Variants in ZNF536 observed in about 807,000 individuals in gnomAD.
The protein encoded by ZNF536 is zinc finger protein 536.
In ZNF536, 13 loss-of-function variants were observed where a neutral mutation model predicts 84.5. That is an observed-to-expected ratio of 0.15 (90% CI 0.10 to 0.24). The LOEUF (loss-of-function observed/expected upper bound fraction) is 0.24. ZNF536 is among the 10% of genes least tolerant of loss of function. ZNF536 has a pLI of 1.00. For missense variants in ZNF536, 1,536 were observed against 1,747.5 expected (o/e 0.88, Z 2.16); for synonymous variants, 811 against 742.5 (o/e 1.09, Z -1.50).
intron 1 of ZNF536, among the ~76,000 whole-genome samples, chr19:30,400,158 G>T (rs7246542): frequency 0.018 from 2,786 of 150,762 alleles, 79 homozygotes; most frequent in African/African-American, 0.061. Context: ...TCCAGAATTT[G>T]GCTGTTATAG....
rs199876994 is a variant in ZNF536 at position 30,485,149 on chromosome 19, C to CATAAATAAATAAATAA, written c.2170+39425_2170+39440dup. ...ACAGTGTGAGACTCTGTCTCAAAAACATAAATAAATAAATAAATAAATACA... is the reference window on the plus strand; with the variant it reads ...ACAGTGTGAGACTCTGTCTCAAAAACATAAATAAATAAATAAATAAATAAATAAATAAATAAATACA... On this transcript the variant is annotated intron_variant, in intron 2 of 4. Transcript: ENST00000355537. Among the ~76,000 whole-genome samples the CATAAATAAATAAATAA allele has an allele frequency of 2.4e-3, 352 of 146,364 alleles. 1 individual carries two copies. Among genetic ancestry groups the CATAAATAAATAAATAA allele is most frequent in the African/African-American group, 8.7e-3 (326 of 37,324 alleles).
At chr19:30,248,224 CT>C (rs58799737) in intron 1 of ZNF536, among the ~76,000 whole-genome samples, 2,495 of 130,924 alleles carry the variant, frequency 0.019, 45 homozygotes, top group African/African-American at 0.057. Context: ...TCTTTTCTTT[CT>C]TTTTTTTTTT....
intron 2 of ZNF536, among the ~76,000 whole-genome samples, chr19:30,502,466 T>C (rs1408965844): frequency 6.6e-6 from 1 of 151,932 alleles, no homozygotes; most frequent in East Asian, 1.9e-4. Flanking sequence ...AAGATCGAAC[T>C]GTGTATGTCC....
intron 1 of ZNF536, among the ~76,000 whole-genome samples, chr19:30,661,616 G>A (rs1178936235): frequency 2.6e-5 from 4 of 152,188 alleles, no homozygotes; most frequent in Admixed American, 2.0e-4. Flanking sequence ...GTCGGGGAAA[G>A]ACTTTCGCAT....
chr19:30,484,858 T>A lies in ZNF536; in HGVS notation c.2170+39126T>A, dbSNP rs549727434. On this transcript the variant is annotated intron_variant, in intron 2 of 4. Coordinates refer to ENST00000355537, the MANE Select transcript of ZNF536 (RefSeq NM_014717.3). Reference sequence around the variant, plus strand: ...GCTTTGTAGAGTAGAAAATCAAACCTTGTTGCCGGGCGCGGTGGCTCACGC... The same window carrying A: ...GCTTTGTAGAGTAGAAAATCAAACCATGTTGCCGGGCGCGGTGGCTCACGC... Among the ~76,000 whole-genome samples, 4 of 152,054 alleles carry A rather than the reference T, an allele frequency of 2.6e-5. No homozygotes were observed. In the South Asian group the frequency reaches 8.3e-4, roughly 32 times the overall value.
chr19:30,644,985 C>T (rs1396979082), intron 1 of ZNF536, among the ~76,000 whole-genome samples: 2 of 152,158 alleles, frequency 1.3e-5, no homozygotes, highest in Non-Finnish European at 2.9e-5. Context: ...GTCCCACCAA[C>T]AGTGTAAAAG....
rs142480329 is a variant in ZNF536, at chr19:30,442,892, C to A, written c.-2-669C>A. Among the ~76,000 whole-genome samples, 622 of 152,298 alleles carry A rather than the reference C, an allele frequency of 4.1e-3. 3 individuals are homozygous for A. The highest frequency in any genetic ancestry group is 8.1e-3 in the South Asian group (39 of 4,830). Reference sequence around the variant, plus strand: ...TACTGTTTCTAAGCAGCATACTAATCAGCTTAATGAGATATTACTGCACTT... The same window carrying A: ...TACTGTTTCTAAGCAGCATACTAATAAGCTTAATGAGATATTACTGCACTT... On this transcript the variant is annotated intron_variant, in intron 1 of 4. Coordinates refer to ENST00000355537, the MANE Select transcript of ZNF536 (RefSeq NM_014717.3).
At chr19:30,358,595 A>C (rs2048171703) in intron 3 of ZNF536, among the ~76,000 whole-genome samples, 1 of 152,228 alleles carries the variant, frequency 6.6e-6, no homozygotes, top group African/African-American at 2.4e-5. Flanking sequence ...ATTGTGGTTT[A>C]AGCAAACCAA....
At chr19:30,503,536 A>AATTATGTGAGAGTATCTTAGTCTACATC in intron 2 of ZNF536, among the ~76,000 whole-genome samples, 1 of 152,406 alleles carries the variant, frequency 6.6e-6, no homozygotes, top group Non-Finnish European at 1.5e-5. Context: ...ATTTACGGAA[A>AATTATGTGAGAGTATCTTAGTCTACATC]ATTATGTGAG....
chr19:30,677,750 C>G, intron 1 of ZNF536, among the ~76,000 whole-genome samples: 1 of 152,334 alleles, frequency 6.6e-6, no homozygotes, highest in Non-Finnish European at 1.5e-5. Flanking sequence ...CATCAAGAAA[C>G]CACTTAAAAG....
chr19:30,692,192 A>C (rs1392975040), intron 1 of ZNF536, among the ~76,000 whole-genome samples: 5 of 152,378 alleles, frequency 3.3e-5, no homozygotes, highest in African/African-American at 1.2e-4. Context: ...GAAACCCTGC[A>C]GTCTGTCAGG....
chr19:30,301,649 A>T (rs1455990340), intron 2 of ZNF536, among the ~76,000 whole-genome samples: 1 of 152,204 alleles, frequency 6.6e-6, no homozygotes, highest in Non-Finnish European at 1.5e-5. Flanking sequence ...CTACAAAGTT[A>T]TATAACCGAA....
chr19:30,474,604 G>T (rs1273577122), intron 2 of ZNF536, among the ~76,000 whole-genome samples: 1 of 152,084 alleles, frequency 6.6e-6, no homozygotes. Flanking sequence ...GATATTACAC[G>T]AAGCCCCTGA....
At chr19:30,338,476 G>T (rs781178535) in intron 2 of ZNF536, among the ~76,000 whole-genome samples, 1 of 134,850 alleles carries the variant, frequency 7.4e-6, no homozygotes, top group Non-Finnish European at 1.6e-5. Flanking sequence ...TGATGACAAT[G>T]ATGATAGTGA....
At chr19:30,243,212 T>A (rs916980603) in intron 1 of ZNF536, among the ~76,000 whole-genome samples, 8 of 152,212 alleles carry the variant, frequency 5.3e-5, no homozygotes, top group African/African-American at 1.9e-4. Flanking sequence ...AACAGCTTTT[T>A]TTTTCTAATT....
At chr19:30,676,863 G>A (rs182634094) in intron 1 of ZNF536, among the ~76,000 whole-genome samples, 4 of 152,264 alleles carry the variant, frequency 2.6e-5, no homozygotes, top group East Asian at 3.9e-4. Flanking sequence ...TTTGAGACAA[G>A]GGTGGACATT....
At chr19:30,553,275 A>G (rs1007708034) in intron 4 of ZNF536, among the ~76,000 whole-genome samples, 4 of 152,214 alleles carry the variant, frequency 2.6e-5, no homozygotes, top group African/African-American at 9.6e-5. Context: ...ATGCTAATGC[A>G]CTGTTGGGTC....
intron 1 of ZNF536, among the ~76,000 whole-genome samples, chr19:30,638,827 C>T (rs573346549): frequency 3.3e-5 from 5 of 152,312 alleles, no homozygotes; most frequent in Admixed American, 2.0e-4. Context: ...GGACACATTG[C>T]TGTATTATGC....
At chr19:30,540,362 C>T (rs2045281681) in intron 3 of ZNF536, among the ~76,000 whole-genome samples, 1 of 152,148 alleles carries the variant, frequency 6.6e-6, no homozygotes, top group Non-Finnish European at 1.5e-5. Flanking sequence ...GAGACCTGGA[C>T]ATTATCTTGC....
Sources: allele counts gnomAD v4.1 joint callset (sites outside exome capture counted in the v4.1 genomes callset), GRCh38; gene constraint gnomAD v4.1.1; transcripts MANE v1.5; gene names NCBI Gene and HGNC (gene_info 2026-07-23, HGNC 2026-07-21).